POLA2: variants seen among roughly 807,000 people sequenced by gnomAD.
POLA2 encodes the protein DNA polymerase alpha 2, accessory subunit.
Under a neutral mutation model 82.8 loss-of-function variants are expected in POLA2, and 47 were observed. The observed-to-expected ratio is 0.57, with a 90% CI of 0.45 to 0.72. POLA2 has a LOEUF of 0.72. Among genes scored for constraint, POLA2 ranks in the 30% least tolerant of loss-of-function variants. The pLI is 0.00. For synonymous variants in POLA2, 287 were observed against 286.8 expected, an observed-to-expected ratio of 1.00 and a Z score of -0.01; for missense variants, 634 against 728.1, an observed-to-expected ratio of 0.87 and a Z score of 1.49.
At position 65,294,584 on chromosome 11, in the gene POLA2, A is replaced by G. The variant is rs1949789962; in HGVS notation, c.1392A>G (p.Ile464Met). Residue 464 changes from isoleucine to methionine, a missense_variant, in exon 15 of 18, where the codon ATA becomes ATG. Physicochemically the swap from Ile to Met is conservative, Grantham distance 10. Transcript: ENST00000265465. ...TGTCCGAGCCCTGCAGCCTCTCCAT[A>G]AACGGAGTGATCTTCGGCTTGACAT... ...QFVSEPCSLS[I>M]NGVIFGLTST... is the part of the protein sequence containing the mutation. 1 of 1,614,084 alleles carries G rather than the reference A, an allele frequency of 6.2e-7. No individual in the cohort carries two copies.
chr11:65,292,232 T>C (rs1173939484), intron 13 of POLA2, among the ~76,000 whole-genome samples: 2 of 152,046 alleles, frequency 1.3e-5, no homozygotes, highest in Admixed American at 6.5e-5. Flanking sequence ...CAAGACTCCA[T>C]CTCAGAAAAA....
intron 17 of POLA2, 115 bp downstream of exon 17, chr11:65,296,105 G>A: frequency 8.7e-7 from 1 of 1,153,982 alleles, no homozygotes; most frequent in South Asian, 1.3e-5. Flanking sequence ...GGGGCCTCTA[G>A]CACCCTGCCC....
downstream of POLA2, among the ~76,000 whole-genome samples, chr11:65,302,751 CAG>C (rs1405597140): frequency 2.0e-5 from 3 of 151,656 alleles, no homozygotes; most frequent in Non-Finnish European, 4.4e-5. Flanking sequence ...TTTTTGGAGA[CAG>C]AGTCTCACTC....
intron 4 of POLA2, among the ~76,000 whole-genome samples, chr11:65,274,638 C>T (rs1949557772): frequency 6.6e-6 from 1 of 151,274 alleles, no homozygotes; most frequent in Non-Finnish European, 1.5e-5. Flanking sequence ...CGAGATCTTG[C>T]CACTGTGCCC....
chr11:65,262,254 C>T lies in POLA2; in HGVS notation c.-39C>T, dbSNP rs1403112875. The T allele has an allele frequency of 4.5e-6, 7 of 1,569,762 alleles. No homozygotes were observed. Among genetic ancestry groups the T allele is most frequent in the Non-Finnish European group, 6.1e-6 (7 of 1,146,256 alleles). ...TGGGCTTCTTGGGCGCAGGTCGGAG[C>T]TGGGTGGGCCGGCTCCCCGGCCCCT... is the stretch of plus-strand genomic sequence containing the variant. On this transcript the variant is annotated 5_prime_UTR_variant, in exon 1 of 18. Coordinates refer to ENST00000265465, the MANE Select transcript of POLA2 (RefSeq NM_002689.4).
chr11:65,276,079 A>G, intron 5 of POLA2, 81 bp downstream of exon 5: 1 of 718,174 alleles, frequency 1.4e-6, no homozygotes, highest in African/African-American at 1.8e-5. Flanking sequence ...GGCTAACAGC[A>G]GAGTTATTAA....
At chr11:65,294,048 G>C in intron 13 of POLA2, 105 bp from the exon 14 acceptor site, 1 of 894,828 alleles carries the variant, frequency 1.1e-6, no homozygotes, top group Non-Finnish European at 1.9e-6. Flanking sequence ...CCTCCCTCGG[G>C]GTGGGCTCTG....
At chr11:65,264,316 A>G (rs1020064994) in intron 1 of POLA2, among the ~76,000 whole-genome samples, 3 of 151,910 alleles carry the variant, frequency 2.0e-5, no homozygotes, top group Non-Finnish European at 4.4e-5. Context: ...TGATCCTCCC[A>G]CCTCGGCCTC....
chr11:65,296,815 T>C (rs1190064110), intron 17 of POLA2, among the ~76,000 whole-genome samples: 1 of 151,794 alleles, frequency 6.6e-6, no homozygotes, highest in Non-Finnish European at 1.5e-5. Flanking sequence ...GGCATGGTGG[T>C]GTGGGTGCCT....
At chr11:65,305,534 C>A in exon 9 of POLA2, 1 of 389,804 alleles carries the variant, frequency 2.6e-6, no homozygotes. Context: ...GCAAGCTGGG[C>A]ACGGTGGTGC....
chr11:65,262,512 C>A, intron 1 of POLA2, 141 bp downstream of exon 1: 1 of 668,790 alleles, frequency 1.5e-6, no homozygotes, highest in Non-Finnish European at 2.5e-6. Flanking sequence ...GATGAAGAAT[C>A]AAACTTGAGT....
At position 65,282,498 on chromosome 11, in the gene POLA2, A is replaced by G. The variant is rs1949651384; in HGVS notation, c.983A>G (p.Tyr328Cys). ...KLYEGVPLPF[Y>C]QPTEEDADFE... ...TTTTAGGGTGTGCCACTTCCATTTT[A>G]TCAGCCCACTGAAGAGGATGCAGGT... Residue 328 changes from tyrosine (Y) to cysteine (C), a missense_variant, in exon 10 of 18, where the codon TAT becomes TGT. Physicochemically the swap from Tyr to Cys is radical, Grantham distance 194. Transcript: ENST00000265465. The G allele has an allele frequency of 3.1e-6, 5 of 1,613,664 alleles. No individual in the cohort carries two copies. Among genetic ancestry groups the G allele is most frequent in the South Asian group, 1.1e-5 (1 of 91,074 alleles).
chr11:65,293,244 G>A (rs1315636299), intron 13 of POLA2, among the ~76,000 whole-genome samples: 3 of 152,144 alleles, frequency 2.0e-5, no homozygotes, highest in South Asian at 2.1e-4. Flanking sequence ...CACTGGAAAT[G>A]TCTGTGTCTC....
chr11:65,299,497 G>C (rs745675362), downstream of POLA2, among the ~76,000 whole-genome samples: 15 of 152,208 alleles, frequency 9.9e-5, no homozygotes, highest in Non-Finnish European at 1.8e-4. Flanking sequence ...AGAATGCAGC[G>C]AGGGAATTAG....
At chr11:65,299,320 C>A (rs1264599218), downstream of POLA2, among the ~76,000 whole-genome samples, 3 of 152,250 alleles carry the variant, frequency 2.0e-5, no homozygotes, top group Admixed American at 6.5e-5. Context: ...ATTTGCCTCC[C>A]ATGCCCATGC....
At chr11:65,299,461 G>A (rs1328815820), downstream of POLA2, among the ~76,000 whole-genome samples, 1 of 152,204 alleles carries the variant, frequency 6.6e-6, no homozygotes, top group African/African-American at 2.4e-5. Context: ...CCTAGTTGCT[G>A]TTCCTGGGAA....
intron 1 of POLA2, among the ~76,000 whole-genome samples, chr11:65,264,266 G>T: frequency 6.6e-6 from 1 of 151,998 alleles, no homozygotes; most frequent in Non-Finnish European, 1.5e-5. Context: ...ATGGGGTTTC[G>T]CCATGTTGGG....
intron 12 of POLA2, among the ~76,000 whole-genome samples, chr11:65,289,572 C>CT (rs1461515350): frequency 1.3e-5 from 2 of 152,218 alleles, no homozygotes; most frequent in African/African-American, 4.8e-5. Context: ...AGTACTCTTT[C>CT]TTTTAGTCTC....
intron 12 of POLA2, among the ~76,000 whole-genome samples, 165 bp from the exon 13 acceptor site, chr11:65,289,634 G>A (rs1431409024): frequency 3.3e-5 from 5 of 152,064 alleles, no homozygotes; most frequent in East Asian, 1.9e-4. Context: ...TCCTCCCTTC[G>A]ACTAGACTTA....
Sources: allele counts gnomAD v4.1 joint callset (sites outside exome capture counted in the v4.1 genomes callset), GRCh38; gene constraint gnomAD v4.1.1; transcripts MANE v1.5; gene names NCBI Gene and HGNC (gene_info 2026-07-23, HGNC 2026-07-21).